Variants in EXOC6B observed in about 807,000 individuals in gnomAD.
EXOC6B encodes the protein exocyst complex component 6B.
A neutral mutation model predicts 113.5 loss-of-function variants in EXOC6B; 54 were observed. That is an observed-to-expected ratio of 0.48 (90% CI 0.38 to 0.60). The LOEUF is 0.60. Ranked by LOEUF, EXOC6B falls within the 20% of genes least tolerant of loss-of-function variation. The probability of loss-of-function intolerance (pLI) is 0.00; values close to 1 mark genes in which losing one functional copy is unlikely to be tolerated. For missense variants in EXOC6B, 797 were observed against 977.5 expected (o/e 0.82, Z 2.46); for synonymous variants, 357 against 339.0 (o/e 1.05, Z -0.58).
intron 15 of EXOC6B, among the ~76,000 whole-genome samples, chr2:72,494,530 C>T (rs1699930874): frequency 6.6e-6 from 1 of 151,840 alleles, no homozygotes; most frequent in African/African-American, 2.4e-5. Context: ...CAAACTATTC[C>T]CCAACTATGT....
At chr2:72,747,636 T>G (rs1681786418) in intron 1 of EXOC6B, among the ~76,000 whole-genome samples, 7 of 152,050 alleles carry the variant, frequency 4.6e-5, no homozygotes. Context: ...TGCAACATTG[T>G]TCAGTCTTCA....
intron 17 of EXOC6B, among the ~76,000 whole-genome samples, chr2:72,478,857 C>T (rs1383095393): frequency 6.6e-6 from 1 of 152,202 alleles, no homozygotes; most frequent in Admixed American, 6.5e-5. Flanking sequence ...ATCTACTTAA[C>T]ACTGAACTAT....
rs1232157884 is a variant in EXOC6B at position 72,825,677 on chromosome 2, G to A, written c.113+121C>T. ...GAGACCCGCCTCGCCCGGTATGCAG[G>A]GTCTCTCCGAAGGGAGGGGCCGGCG... On this transcript the variant is annotated intron_variant, in intron 1 of 21. Coordinates refer to ENST00000272427, the MANE Select transcript of EXOC6B (RefSeq NM_015189.3). The surrounding 1 kb of genome is among the most constrained non-coding windows in gnomAD (Gnocchi z 4.4). 5.7e-6 allele frequency: 7 copies of A among 1,228,138 alleles called. No individual in the cohort carries two copies. The highest frequency in any genetic ancestry group is 7.5e-6 in the Non-Finnish European group (7 of 929,418). 76.1% of individuals were successfully genotyped at this position (1,228,138 alleles called of 1,614,324 possible).
chr2:72,273,724 G>A (rs1007328959), intron 20 of EXOC6B, among the ~76,000 whole-genome samples: 4 of 152,104 alleles, frequency 2.6e-5, no homozygotes, highest in African/African-American at 9.7e-5. Flanking sequence ...GCAGGCAGGG[G>A]CTGGCCTGAG....
intron 20 of EXOC6B, among the ~76,000 whole-genome samples, chr2:72,205,166 T>G (rs1331361538): frequency 6.6e-6 from 1 of 152,112 alleles, no homozygotes; most frequent in African/African-American, 2.4e-5. Flanking sequence ...GAAAGAAGGC[T>G]GCAAGACAAC....
At chr2:72,767,115 AT>A (rs1683114737) in intron 1 of EXOC6B, among the ~76,000 whole-genome samples, 1 of 152,096 alleles carries the variant, frequency 6.6e-6, no homozygotes, top group Non-Finnish European at 1.5e-5. Context: ...GCCTGGCACT[AT>A]TTTTATGCTC....
chr2:72,369,098 T>C (rs917251695), intron 19 of EXOC6B, among the ~76,000 whole-genome samples: 3 of 152,204 alleles, frequency 2.0e-5, no homozygotes, highest in African/African-American at 4.8e-5. Context: ...GATGACATGA[T>C]TGTATATCTA....
At chr2:72,404,115 G>C (rs1011676366) in intron 18 of EXOC6B, among the ~76,000 whole-genome samples, 61 of 152,202 alleles carry the variant, frequency 4.0e-4, no homozygotes, top group African/African-American at 1.4e-3. Flanking sequence ...CTCATTGCTA[G>C]CACAGCAGTC....
chr2:72,776,614 C>T (rs1277223187), intron 1 of EXOC6B, among the ~76,000 whole-genome samples: 1 of 147,004 alleles, frequency 6.8e-6, no homozygotes, highest in African/African-American at 2.5e-5. Context: ...ACAGCCAGGT[C>T]TCAAAAAAAA....
chr2:72,227,641 C>G (rs1348172709), intron 20 of EXOC6B, among the ~76,000 whole-genome samples: 1 of 152,038 alleles, frequency 6.6e-6, no homozygotes, highest in East Asian at 1.9e-4. Context: ...ATTCATTTAC[C>G]AGAGAATACA....
chr2:72,695,522 C>G lies in EXOC6B; in HGVS notation c.669+22581G>C, dbSNP rs532447666. Among the ~76,000 whole-genome samples, 10 of 151,606 alleles carry G rather than the reference C, an allele frequency of 6.6e-5. No individual in the cohort carries two copies. The South Asian group carries it at 2.1e-3, about 32-fold the overall frequency. On this transcript the variant is annotated intron_variant, in intron 6 of 21. Coordinates refer to ENST00000272427, the MANE Select transcript of EXOC6B (RefSeq NM_015189.3). ...AACCAAAGAAAAGTTGTCATTGATA[C>G]TTTTTTCAAAAAAAGAAAAATTATT...
intron 6 of EXOC6B, among the ~76,000 whole-genome samples, chr2:72,592,589 T>C (rs946480311): frequency 1.3e-5 from 2 of 152,128 alleles, no homozygotes; most frequent in African/African-American, 4.8e-5. Context: ...AAAGATACCA[T>C]CATCCCAGAC....
At chr2:72,801,303 T>C (rs1685257956) in intron 1 of EXOC6B, among the ~76,000 whole-genome samples, 1 of 152,184 alleles carries the variant, frequency 6.6e-6, no homozygotes, top group African/African-American at 2.4e-5. Flanking sequence ...ATTTTAGTAC[T>C]TGCAAATAAT....
chr2:72,573,054 C>A (rs568633250), intron 7 of EXOC6B, among the ~76,000 whole-genome samples: 1 of 152,098 alleles, frequency 6.6e-6, no homozygotes, highest in African/African-American at 2.4e-5. Context: ...TCTCACTTTC[C>A]TCATCTTCTC....
rs578184459 is a variant in EXOC6B, at chr2:72,722,993, C to T, written c.465-4686G>A. On this transcript the variant is annotated intron_variant, in intron 5 of 21. Transcript: ENST00000272427. ...GAATGTCACCCTATTTCCCCATTTT[C>T]CCTTCCCAGTATAGTCACATTTTAA... Among the ~76,000 whole-genome samples, 104 of 152,288 alleles carry T rather than the reference C, an allele frequency of 6.8e-4. 1 individual carries two copies. The highest frequency in any genetic ancestry group is 2.1e-3 in the African/African-American group (86 of 41,560).
chr2:72,788,560 G>A (rs1374188485), intron 1 of EXOC6B, among the ~76,000 whole-genome samples: 1 of 152,184 alleles, frequency 6.6e-6, no homozygotes, highest in African/African-American at 2.4e-5. Context: ...ACTTTGGGAG[G>A]CCAAGCCAGG....
chr2:72,441,636 A>G (rs1696207828), intron 18 of EXOC6B, among the ~76,000 whole-genome samples: 1 of 152,234 alleles, frequency 6.6e-6, no homozygotes, highest in Non-Finnish European at 1.5e-5. Flanking sequence ...CAACTAGAAT[A>G]TCTAGAACTA....
intron 18 of EXOC6B, among the ~76,000 whole-genome samples, chr2:72,403,661 T>A (rs1401861481): frequency 6.6e-6 from 1 of 152,212 alleles, no homozygotes; most frequent in Admixed American, 6.5e-5. Flanking sequence ...GCCACTGTAC[T>A]GCCCACTACA....
intron 6 of EXOC6B, among the ~76,000 whole-genome samples, chr2:72,648,389 A>G (rs1673900754): frequency 6.6e-6 from 1 of 152,268 alleles, no homozygotes; most frequent in African/African-American, 2.4e-5. Flanking sequence ...TCAAGGATCT[A>G]GAACTAAAAA....
Sources: gnomAD v4.1 joint callset for allele counts (sites outside exome capture counted in the v4.1 genomes callset) on GRCh38, gnomAD v4.1.1 for gene constraint, Gnocchi (gnomAD v3.1) non-coding constraint, MANE v1.5 for transcripts, NCBI Gene and HGNC (gene_info 2026-07-23, HGNC 2026-07-21) for gene names.